GRAMD2B: variants seen among roughly 807,000 people sequenced by gnomAD.
GRAMD2B encodes GRAM domain-containing protein 2B.
GRAMD2B carries 41 observed loss-of-function variants against 59.2 expected under a neutral mutation model. That is an observed-to-expected ratio of 0.69 (90% CI 0.54 to 0.90). GRAMD2B has a LOEUF of 0.90. Ranked by LOEUF, GRAMD2B falls within the 40% of genes least tolerant of loss-of-function variation. The pLI, the probability that GRAMD2B is intolerant of heterozygous loss-of-function variation, is 0.00. For synonymous variants in GRAMD2B, 161 were observed against 182.7 expected (o/e 0.88, Z 0.96); for missense variants, 424 against 500.5 (o/e 0.85, Z 1.46).
At position 126,423,804 on chromosome 5, in the gene GRAMD2B, A is replaced by G. The variant is rs375619339; in HGVS notation, c.83+115A>G. 83 of 925,410 alleles carry G rather than the reference A, an allele frequency of 9.0e-5. No homozygotes were observed. The East Asian group carries it at 1.5e-3, about 17-fold the overall frequency. 57.3% of individuals were successfully genotyped at this position (925,410 alleles called of 1,614,324 possible). ...GATTTCTGGAGCTCCTATATGGACA[A>G]TCTTGTGGCGCGCTCTCTCTGTCTC... On this transcript the variant is annotated intron_variant, in intron 1 of 13. Coordinates refer to ENST00000285689, the MANE Select transcript of GRAMD2B (RefSeq NM_023927.4).
In GRAMD2B at chr5:126,481,868, C is replaced by T. The variant is rs139936352; in HGVS notation, c.735+1161C>T. 6.3e-3 allele frequency among the ~76,000 whole-genome samples: 945 copies of T among 151,004 alleles called. 9 individuals carry two copies. Among genetic ancestry groups the T allele is most frequent in the African/African-American group, 0.022 (892 of 41,054 alleles). On this transcript the variant is annotated intron_variant, in intron 8 of 13. Transcript: ENST00000285689. The stretch of plus-strand genomic sequence containing the variant: ...CTGTAATCCCAGCTACTCAGGAGGC[C>T]GAGGCAGGAGAATTGCTTGAACCTG...
intron 1 of GRAMD2B, among the ~76,000 whole-genome samples, chr5:126,410,407 C>T (rs942652908): frequency 3.3e-5 from 5 of 151,648 alleles, no homozygotes; most frequent in African/African-American, 1.2e-4. Flanking sequence ...TCCTTCACGT[C>T]CCTTGTAAGT....
At chr5:126,422,207 T>G (rs1371861507), upstream of GRAMD2B, among the ~76,000 whole-genome samples, 1 of 151,758 alleles carries the variant, frequency 6.6e-6, no homozygotes, top group Non-Finnish European at 1.5e-5. Context: ...GGATTTTTTT[T>G]TTTTTTTTGA....
At chr5:126,462,327 A>G (rs1581143023) in intron 1 of GRAMD2B, 5 of 730,886 alleles carry the variant, frequency 6.8e-6, no homozygotes, top group Non-Finnish European at 8.4e-6. Context: ...AAAAGTTTCC[A>G]AAAGGCCTTG....
intron 1 of GRAMD2B, among the ~76,000 whole-genome samples, chr5:126,385,800 G>T (rs1321195819): frequency 2.0e-5 from 3 of 152,134 alleles, no homozygotes. Flanking sequence ...GCAATGGGGG[G>T]TGCAACCCAG....
intron 1 of GRAMD2B, among the ~76,000 whole-genome samples, chr5:126,392,275 C>G (rs1011450646): frequency 1.3e-5 from 2 of 152,140 alleles, no homozygotes; most frequent in African/African-American, 4.8e-5. Flanking sequence ...CGACTCATGG[C>G]TAAGATTTCT....
chr5:126,472,476 A>T (rs921004120), intron 4 of GRAMD2B, among the ~76,000 whole-genome samples, 172 bp downstream of exon 4: 2 of 152,222 alleles, frequency 1.3e-5, no homozygotes, highest in African/African-American at 4.8e-5. Flanking sequence ...AGGCAGCGTG[A>T]AAAGATCACA....
At chr5:126,467,991 G>A (rs1453630050) in intron 2 of GRAMD2B, among the ~76,000 whole-genome samples, 1 of 152,188 alleles carries the variant, frequency 6.6e-6, no homozygotes, top group Non-Finnish European at 1.5e-5. Flanking sequence ...AATTACTTCA[G>A]ATTGTTCTTA....
intron 1 of GRAMD2B, among the ~76,000 whole-genome samples, chr5:126,408,309 T>C (rs1580827200): frequency 6.6e-6 from 1 of 152,006 alleles, no homozygotes; most frequent in Non-Finnish European, 1.5e-5. Context: ...CATAGTATTC[T>C]ATGGTATATA....
chr5:126,400,783 T>C (rs1416316046), intron 1 of GRAMD2B, among the ~76,000 whole-genome samples: 3 of 152,132 alleles, frequency 2.0e-5, no homozygotes, highest in Non-Finnish European at 4.4e-5. Flanking sequence ...TACTCTCTCC[T>C]GGCATGCTAG....
chr5:126,371,566 A>G (rs1203033731), exon 1 of GRAMD2B: 1 of 1,287,748 alleles, frequency 7.8e-7, no homozygotes, highest in East Asian at 5.6e-5. Flanking sequence ...GGTGTTCCTC[A>G]GGTGGGTACA....
intron 1 of GRAMD2B, among the ~76,000 whole-genome samples, chr5:126,391,521 C>T (rs562571531): frequency 9.2e-5 from 14 of 151,542 alleles, no homozygotes; most frequent in Non-Finnish European, 1.8e-4. Flanking sequence ...TTATAATAGC[C>T]AAAAAATGGA....
chr5:126,483,648 A>G, intron 9 of GRAMD2B, 74 bp downstream of exon 9: 8 of 751,110 alleles, frequency 1.1e-5, no homozygotes, highest in South Asian at 3.7e-5. Context: ...CCTTAAAAAA[A>G]AAAAGAAAAG....
intron 5 of GRAMD2B, among the ~76,000 whole-genome samples, chr5:126,476,239 C>T (rs898219443): frequency 1.3e-5 from 2 of 152,222 alleles, no homozygotes; most frequent in Non-Finnish European, 2.9e-5. Context: ...CACCATTGCA[C>T]TCCAGCCTGG....
chr5:126,376,267 G>A (rs750019558), intron 1 of GRAMD2B, among the ~76,000 whole-genome samples: 2 of 152,282 alleles, frequency 1.3e-5, no homozygotes, highest in African/African-American at 2.4e-5. Context: ...ACAAAAATGA[G>A]GCAGAACTAA....
At chr5:126,386,831 T>G (rs2149711855) in intron 1 of GRAMD2B, among the ~76,000 whole-genome samples, 1 of 152,314 alleles carries the variant, frequency 6.6e-6, no homozygotes, top group Middle Eastern at 3.4e-3. Flanking sequence ...GGCTGGCAAG[T>G]TGGAGGCACT....
chr5:126,446,780 T>C (rs1764325892), intron 1 of GRAMD2B, among the ~76,000 whole-genome samples: 1 of 152,132 alleles, frequency 6.6e-6, no homozygotes. Flanking sequence ...CTTATGAAGA[T>C]GCCACTCCCA....
At chr5:126,458,270 A>G (rs1046501158) in intron 1 of GRAMD2B, among the ~76,000 whole-genome samples, 3 of 152,020 alleles carry the variant, frequency 2.0e-5, no homozygotes, top group African/African-American at 7.2e-5. Flanking sequence ...CCCTGTCTCT[A>G]AGAAAAATAT....
At chr5:126,483,655 A>G in intron 9 of GRAMD2B, 81 bp downstream of exon 9, 1 of 694,540 alleles carries the variant, frequency 1.4e-6, no homozygotes. Flanking sequence ...AAAAAAAAGA[A>G]AAGAAAAGAA....
Sources: gnomAD v4.1 joint callset for allele counts (sites outside exome capture counted in the v4.1 genomes callset) on GRCh38, gnomAD v4.1.1 for gene constraint, MANE v1.5 for transcripts, NCBI Gene and HGNC (gene_info 2026-07-23, HGNC 2026-07-21) for gene names.